Variants in SPATA31E1 observed in about 807,000 individuals in gnomAD.
SPATA31E1 encodes spermatogenesis-associated protein 31E1.
A neutral mutation model predicts 12.9 loss-of-function variants in SPATA31E1; 7 were observed. The observed-to-expected ratio is 0.54, with a 90% CI of 0.31 to 1.02. The LOEUF is 1.02. SPATA31E1 is among the 50% of genes least tolerant of loss of function. The probability of loss-of-function intolerance (pLI) is 0.05; values close to 1 mark genes in which losing one functional copy is unlikely to be tolerated. For missense variants in SPATA31E1, 1,961 were observed against 1,799.8 expected (o/e 1.09, Z -1.62); for synonymous variants, 771 against 719.0 (o/e 1.07, Z -1.16).
At chr9:87,884,515 A>G in intron 2 of SPATA31E1, 76 bp from the exon 3 acceptor site, 2 of 1,520,528 alleles carry the variant, frequency 1.3e-6, no homozygotes, top group South Asian at 2.3e-5. Flanking sequence ...GTGTCCCCTA[A>G]AAAGACATCC....
At position 87,886,452 on chromosome 9, in the gene SPATA31E1, G is replaced by T; in HGVS notation, c.1965G>T (p.Gln655His). 6.2e-7 allele frequency: 1 copy of T among 1,613,990 alleles called. No individual in the cohort carries two copies. Among genetic ancestry groups the T allele is most frequent in the Non-Finnish European group, 8.5e-7 (1 of 1,179,978 alleles). Residue 655 changes from glutamine (Q) to histidine (H), a missense_variant, in exon 4 of 4, where the codon CAG (glutamine) becomes CAT (histidine). By Grantham distance (24) the Gln-to-His change is conservative. Transcript: ENST00000325643. ...SRLQASGDLLQPDGEFPGRPQ... is the reference protein window; with the variant it reads ...SRLQASGDLLHPDGEFPGRPQ... ...TGCAGGCATCTGGGGACCTGCTACA[G>T]CCTGATGGGGAATTCCCAGGGAGGC...
Position 87,888,028 on chromosome 9 carries a change from C to T in SPATA31E1, c.3541C>T (p.Gln1181Ter), listed in dbSNP as rs746120344. ...LWKGGDSPGQ[Q>*]EPGSPKAKAP... ...GAAGGGAGGGGACAGTCCAGGGCAGCAGGAGCCTGGGAGCCCAAAAGCAAA... is the reference window on the plus strand; with the variant it reads ...GAAGGGAGGGGACAGTCCAGGGCAGTAGGAGCCTGGGAGCCCAAAAGCAAA... Residue 1181 changes from glutamine (Q) to a stop codon, truncating the protein, a stop_gained, in exon 4 of 4, where the codon CAG (glutamine) becomes TAG (stop). Transcript: ENST00000325643. LOFTEE classifies it low-confidence loss of function (END_TRUNC). The T allele has an allele frequency of 4.0e-5, 65 of 1,611,392 alleles. No homozygotes were observed. Among genetic ancestry groups the T allele is most frequent in the Non-Finnish European group, 5.2e-5 (61 of 1,179,110 alleles).
rs778140267 is a variant in SPATA31E1, at chr9:87,888,016, A to C, written c.3529A>C (p.Ser1177Arg). 1.2e-6 allele frequency: 2 copies of C among 1,612,792 alleles called. No homozygotes were observed. Among genetic ancestry groups the C allele is most frequent in the Non-Finnish European group, 1.7e-6 (2 of 1,179,678 alleles). The change falls in exon 4 of 4, where the codon AGT (serine) becomes CGT (arginine). Residue 1177 changes from serine (S) to arginine (R), a missense_variant. Ser to Arg is a moderately radical substitution (Grantham distance 110, BLOSUM62 -1). Coordinates refer to ENST00000325643, the MANE Select transcript of SPATA31E1 (RefSeq NM_178828.5). ...PCALLWKGGD[S>R]PGQQEPGSPK... is the part of the protein sequence containing the mutation. ...TGCCCTCCTATGGAAGGGAGGGGAC[A>C]GTCCAGGGCAGCAGGAGCCTGGGAG...
At chr9:87,883,236 T>C (rs1003124072) in intron 1 of SPATA31E1, 36 bp downstream of exon 1, 2 of 1,536,722 alleles carry the variant, frequency 1.3e-6, no homozygotes, top group Admixed American at 3.8e-5. Flanking sequence ...CAGAGAAAGA[T>C]TCTCTCTTCT....
In SPATA31E1 at chr9:87,885,321, C is replaced by A. The variant is rs1828247610; in HGVS notation, c.834C>A (p.Ser278Arg). 2.5e-6 allele frequency: 4 copies of A among 1,613,778 alleles called. No homozygotes were observed. In the South Asian group the frequency reaches 4.4e-5, roughly 18 times the overall value. ...CGSTTCPVPQSSPLHNQVLPP... is the reference protein window; with the variant it reads ...CGSTTCPVPQRSPLHNQVLPP... Reference sequence around the variant, plus strand: ...CCACAACATGCCCCGTCCCCCAGAGCTCCCCTCTACACAACCAGGTGCTGC... The same window carrying A: ...CCACAACATGCCCCGTCCCCCAGAGATCCCCTCTACACAACCAGGTGCTGC... The change falls in exon 4 of 4, where the codon AGC becomes AGA. Residue 278 changes from serine (S) to arginine (R), a missense_variant. Ser to Arg is a moderately radical substitution (Grantham distance 110). Coordinates refer to ENST00000325643, the MANE Select transcript of SPATA31E1 (RefSeq NM_178828.5).
In SPATA31E1 at chr9:87,886,997, T is replaced by G. The variant is rs775758867; in HGVS notation, c.2510T>G (p.Val837Gly). 1.2e-6 allele frequency: 2 copies of G among 1,614,124 alleles called. No individual in the cohort carries two copies. Among genetic ancestry groups the G allele is most frequent in the Non-Finnish European group, 1.7e-6 (2 of 1,180,030 alleles). Residue 837 changes from valine to glycine, a missense_variant, in exon 4 of 4, where the codon GTA becomes GGA. By Grantham distance (109) the Val-to-Gly change is moderately radical (BLOSUM62 -3). Transcript: ENST00000325643. Reference protein sequence around the residue: ...LHPCTQQILEVHLVRFCVRHS... With the variant: ...LHPCTQQILEGHLVRFCVRHS... ...CCCTGCACCCAGCAGATACTGGAAG[T>G]ACATCTTGTAAGGTTCTGTGTGAGG...
intron 2 of SPATA31E1, 151 bp downstream of exon 2, chr9:87,884,197 G>A (rs996578535): frequency 1.3e-5 from 14 of 1,070,840 alleles, no homozygotes; most frequent in African/African-American, 3.2e-5. Flanking sequence ...ATGAAGCCAC[G>A]GGCCTGGGAC....
chr9:87,885,617 T>C lies in SPATA31E1; in HGVS notation c.1130T>C (p.Met377Thr). Residue 377 changes from methionine to threonine, a missense_variant, in exon 4 of 4, where the codon ATG becomes ACG. Transcript: ENST00000325643. Reference protein sequence around the residue: ...TLIAKRALMKMWQEKERKRAD... With the variant: ...TLIAKRALMKTWQEKERKRAD... ...ATCGCCAAGAGAGCACTGATGAAGATGTGGCAGGAGAAAGAAAGAAAACGG... is the reference window on the plus strand; with the variant it reads ...ATCGCCAAGAGAGCACTGATGAAGACGTGGCAGGAGAAAGAAAGAAAACGG... 1 of 1,613,990 alleles carries C rather than the reference T, an allele frequency of 6.2e-7. No individual in the cohort carries two copies. The highest frequency in any genetic ancestry group is 8.5e-7 in the Non-Finnish European group (1 of 1,180,018).
intron 2 of SPATA31E1, among the ~76,000 whole-genome samples, 185 bp from the exon 3 acceptor site, chr9:87,884,406 C>T (rs1191644697): frequency 6.6e-6 from 1 of 152,198 alleles, no homozygotes; most frequent in Non-Finnish European, 1.5e-5. Context: ...GCACTTTTTG[C>T]AAATGACAAA....
Position 87,885,720 on chromosome 9 carries a change from C to A in SPATA31E1, c.1233C>A (p.Thr411=). 2 of 1,613,838 alleles carry A rather than the reference C, an allele frequency of 1.2e-6. No homozygotes were observed. Among genetic ancestry groups the A allele is most frequent in the South Asian group, 1.1e-5 (1 of 91,076 alleles). ...TTLNPFWNVS[T]QPQQLPRPQQ... is the part of the protein sequence containing the mutation. ...TAAATCCCTTCTGGAACGTGTCAAC[C>A]CAGCCACAGCAGCTGCCCCGTCCTC... The change falls in exon 4 of 4, where the codon ACC becomes ACA. Residue 411 remains threonine (T), a synonymous_variant. Transcript: ENST00000325643.
chr9:87,886,075 CCT>C lies in SPATA31E1; in HGVS notation c.1589_1590del (p.Pro530ArgfsTer13), dbSNP rs566061215. On this transcript the variant is annotated frameshift_variant, in exon 4 of 4. Transcript: ENST00000325643. LOFTEE classifies it low-confidence loss of function (END_TRUNC). ...EIQTQAHLSP[P>X]VPSLGCSSPP... ...CCAGACCCAGGCCCACCTCTCACCC[CCT>C]GTCCCAAGCCTGGGGTGCTCTTCTC... 4.0e-4 allele frequency: 646 copies of C among 1,611,032 alleles called. 2 individuals carry two copies. The highest frequency in any genetic ancestry group is 1.5e-3 in the Middle Eastern group (9 of 6,062).
At position 87,888,633 on chromosome 9, in the gene SPATA31E1, C is replaced by T; in HGVS notation, c.4146C>T (p.Thr1382=). 1 of 1,614,092 alleles carries T rather than the reference C, an allele frequency of 6.2e-7. No individual in the cohort carries two copies. The highest frequency in any genetic ancestry group is 8.5e-7 in the Non-Finnish European group (1 of 1,180,042). Residue 1382 remains threonine, a synonymous_variant, in exon 4 of 4, where the codon ACC becomes ACT. Transcript: ENST00000325643. ...CTCTGGCCTGCAGCCCTAAAGCCACCCCCAAGGGCCACCACTGTCCTGTCA... is the reference window on the plus strand; with the variant it reads ...CTCTGGCCTGCAGCCCTAAAGCCACTCCCAAGGGCCACCACTGTCCTGTCA... ...MRALACSPKA[T]PKGHHCPVKN...
At chr9:87,884,103 T>C (rs1175983462) in intron 2 of SPATA31E1, 57 bp downstream of exon 2, 2 of 1,553,096 alleles carry the variant, frequency 1.3e-6, no homozygotes, top group Non-Finnish European at 1.7e-6. Context: ...TGCCTGTCCC[T>C]GAGGAAGTCA....
At chr9:87,884,725 T>C (rs1215809518) in intron 3 of SPATA31E1, 74 bp downstream of exon 3, 6 of 1,587,478 alleles carry the variant, frequency 3.8e-6, no homozygotes, top group Admixed American at 1.7e-5. Flanking sequence ...GGCCTGGTGG[T>C]GATCTGGGAG....
chr9:87,884,962 G>A lies in SPATA31E1; in HGVS notation c.475G>A (p.Gly159Arg), dbSNP rs1828238304. The A allele has an allele frequency of 6.2e-7, 1 of 1,613,910 alleles. No individual in the cohort carries two copies. The highest frequency in any genetic ancestry group is 1.3e-5 in the African/African-American group (1 of 75,022). Residue 159 changes from glycine to arginine, a missense_variant, in exon 4 of 4, where the codon GGA becomes AGA. Transcript: ENST00000325643. ...AGGCAGCTCCCACCTGCCCTTAGGT[G>A]GAGACCCCCTGGGGGACGTGTGTAA... The part of the protein sequence containing the change: ...GEGSSHLPLG[G>R]DPLGDVCKPV...
At position 87,887,745 on chromosome 9, in the gene SPATA31E1, T is replaced by A; in HGVS notation, c.3258T>A (p.Asp1086Glu). 1 of 1,614,020 alleles carries A rather than the reference T, an allele frequency of 6.2e-7. No homozygotes were observed. Among genetic ancestry groups the A allele is most frequent in the Non-Finnish European group, 8.5e-7 (1 of 1,180,022 alleles). ...CGTCTTCAGTCTGTGTTGCTCAGGA[T>A]CCAGAGCAGCTGCACCTGAAAGCGC... ...PSASSVCVAQ[D>E]PEQLHLKAQV... The change falls in exon 4 of 4, where the codon GAT (aspartate) becomes GAA (glutamate). Residue 1086 changes from aspartate (D) to glutamate (E), a missense_variant. Asp to Glu is a conservative substitution (Grantham distance 45). Coordinates refer to ENST00000325643, the MANE Select transcript of SPATA31E1 (RefSeq NM_178828.5).
At position 87,885,564 on chromosome 9, in the gene SPATA31E1, T is replaced by C. The variant is rs1435843897; in HGVS notation, c.1077T>C (p.Pro359=). Residue 359 remains proline (P), a synonymous_variant, in exon 4 of 4, where the codon CCT becomes CCC. Transcript: ENST00000325643. ...TAGGTGGCTGCACATTCATCCACCC[T>C]GACGTGCAGAAGCTGCTGGAGACCC... The part of the protein sequence containing the change: ...MEVGGCTFIH[P]DVQKLLETLI... 2 of 1,614,108 alleles carry C rather than the reference T, an allele frequency of 1.2e-6. No homozygotes were observed. Among genetic ancestry groups the C allele is most frequent in the Non-Finnish European group, 1.7e-6 (2 of 1,180,034 alleles).
At position 87,886,627 on chromosome 9, in the gene SPATA31E1, C is replaced by A; in HGVS notation, c.2140C>A (p.Pro714Thr). The A allele has an allele frequency of 6.2e-7, 1 of 1,613,948 alleles. No homozygotes were observed. Among genetic ancestry groups the A allele is most frequent in the Non-Finnish European group, 8.5e-7 (1 of 1,180,000 alleles). Residue 714 changes from proline (P) to threonine (T), a missense_variant, in exon 4 of 4, where the codon CCG becomes ACG. Coordinates refer to ENST00000325643, the MANE Select transcript of SPATA31E1 (RefSeq NM_178828.5). ...GGGGTGCTTAGGGTCCAAACTAGGG[C>A]CGGACCCAAGCCGGGATCAAGGCTC... Reference protein sequence around the residue: ...DKGCLGSKLGPDPSRDQGSGR... With the variant: ...DKGCLGSKLGTDPSRDQGSGR...
At position 87,888,340 on chromosome 9, in the gene SPATA31E1, G is replaced by C; in HGVS notation, c.3853G>C (p.Asp1285His). 1 of 1,614,212 alleles carries C rather than the reference G, an allele frequency of 6.2e-7. No individual in the cohort carries two copies. The highest frequency in any genetic ancestry group is 1.1e-5 in the South Asian group (1 of 91,088). The change falls in exon 4 of 4, where the codon GAT becomes CAT. Residue 1285 changes from aspartate (D) to histidine (H), a missense_variant. Coordinates refer to ENST00000325643, the MANE Select transcript of SPATA31E1 (RefSeq NM_178828.5). Reference sequence around the variant, plus strand: ...CAGGAAAGGAGGCACACGGTGGGAAGATGTCCTGCAGAAAGGCAAGCCTGG... The same window carrying C: ...CAGGAAAGGAGGCACACGGTGGGAACATGTCCTGCAGAAAGGCAAGCCTGG... ...HPRKGGTRWEDVLQKGKPGAD... is the reference protein window; with the variant it reads ...HPRKGGTRWEHVLQKGKPGAD...
Sources: gnomAD v4.1 joint callset for allele counts (sites outside exome capture counted in the v4.1 genomes callset) on GRCh38, gnomAD v4.1.1 for gene constraint, MANE v1.5 for transcripts, NCBI Gene and HGNC (gene_info 2026-07-23, HGNC 2026-07-21) for gene names.